The following TTC21A variants were observed in gnomAD, a reference collection of about 807,000 sequenced individuals.
TTC21A encodes tetratricopeptide repeat domain 21A, also known as tetratricopeptide repeat protein 21A.
In TTC21A, 128 loss-of-function variants were observed where a neutral mutation model predicts 156.4. That is an observed-to-expected ratio of 0.82 (90% CI 0.71 to 0.95). The LOEUF (loss-of-function observed/expected upper bound fraction) is 0.95, where lower values mean the gene tolerates loss of function less well. TTC21A is among the 40% of genes least tolerant of loss of function. The pLI, the probability that TTC21A is intolerant of heterozygous loss-of-function variation, is 0.00. For missense variants in TTC21A, 1,435 were observed against 1,602.3 expected, an observed-to-expected ratio of 0.90 and a Z score of 1.78; for synonymous variants, 587 against 617.1, an observed-to-expected ratio of 0.95 and a Z score of 0.72.
intron 5 of TTC21A, among the ~76,000 whole-genome samples, chr3:39,113,802 C>G (rs2037037277): frequency 6.6e-6 from 1 of 152,192 alleles, no homozygotes; most frequent in South Asian, 2.1e-4. Context: ...CAACCCAGTC[C>G]CCTATTGTTT....
Position 39,119,963 on chromosome 3 carries a change from A to G in TTC21A, c.843A>G (p.Thr281=). 3 of 1,610,442 alleles carry G rather than the reference A, an allele frequency of 1.9e-6. No homozygotes were observed. Among genetic ancestry groups the G allele is most frequent in the African/African-American group, 2.7e-5 (2 of 74,578 alleles). Residue 281 remains threonine (T), a synonymous_variant, in exon 8 of 29, where the codon ACA becomes ACG. Transcript: ENST00000683103. ...GAAATCTGATTAAGGCACTAGAGACAAGGGAACCCGAAAATCCAAGCCTCC... is the reference window on the plus strand; with the variant it reads ...GAAATCTGATTAAGGCACTAGAGACGAGGGAACCCGAAAATCCAAGCCTCC... The part of the protein sequence containing the change: ...HVRNLIKALE[T]REPENPSLHL...
intron 12 of TTC21A, 85 bp downstream of exon 12, chr3:39,126,475 TACACACACACACACACACACACACAC>T (rs59925253): frequency 9.6e-6 from 5 of 520,562 alleles, no homozygotes; most frequent in South Asian, 1.8e-5. Context: ...CCTAGGATAC[TACACACACACACACACACACACACAC>T]ACACACACAC....
chr3:39,112,212 G>A (rs989390131), intron 4 of TTC21A, among the ~76,000 whole-genome samples: 2 of 152,326 alleles, frequency 1.3e-5, no homozygotes, highest in Admixed American at 6.5e-5. Context: ...TGAGTTGTAA[G>A]TAGTGGTAAT....
In TTC21A at chr3:39,109,067, A is replaced by C; in HGVS notation, c.28-18A>C. 1 of 1,611,548 alleles carries C rather than the reference A, an allele frequency of 6.2e-7. No individual in the cohort carries two copies. The highest frequency in any genetic ancestry group is 2.2e-5 in the East Asian group (1 of 44,806). ...GAGAAGGGACTGGGCTATTGCAGTT[A>C]TGTCTTCCTTCATACAGGCTGGGAT... On this transcript the variant is annotated intron_variant, in intron 1 of 28. Transcript: ENST00000683103.
At chr3:39,117,886 G>C (rs1013341532) in intron 6 of TTC21A, among the ~76,000 whole-genome samples, 183 bp from the exon 7 acceptor site, 3 of 152,188 alleles carry the variant, frequency 2.0e-5, no homozygotes, top group Non-Finnish European at 4.4e-5. Flanking sequence ...CCAAATGTAA[G>C]CTGCAAAGAG....
chr3:39,135,037 C>A, intron 21 of TTC21A, 56 bp from the exon 22 acceptor site: 79 of 1,299,980 alleles, frequency 6.1e-5, no homozygotes, highest in Middle Eastern at 2.0e-4. Flanking sequence ...CCTCCCCCTA[C>A]ACCCATGCAA....
intron 9 of TTC21A, among the ~76,000 whole-genome samples, chr3:39,122,242 T>G (rs2125803303): frequency 6.7e-6 from 1 of 149,982 alleles, no homozygotes; most frequent in Admixed American, 6.6e-5. Context: ...ACCCGGGAGA[T>G]GGAGGTTGAT....
intron 1 of TTC21A, chr3:39,108,160 G>C (rs866124383): frequency 5.4e-6 from 3 of 560,186 alleles, no homozygotes; most frequent in Non-Finnish European, 9.5e-6. Context: ...TCTCGCCTGC[G>C]CCTCCCACCC....
At chr3:39,109,906 C>G in intron 2 of TTC21A, 123 bp from the exon 3 acceptor site, 2 of 674,856 alleles carry the variant, frequency 3.0e-6, no homozygotes, top group Non-Finnish European at 5.2e-6. Flanking sequence ...ACTTGGGTCA[C>G]TGGGGACCTT....
intron 15 of TTC21A, among the ~76,000 whole-genome samples, chr3:39,129,746 T>C (rs1021626112): frequency 1.6e-4 from 24 of 152,146 alleles, no homozygotes; most frequent in Non-Finnish European, 7.4e-5. Context: ...TATCCAGCAG[T>C]GGGAAACCAG....
chr3:39,112,686 C>T (rs1421158643), intron 5 of TTC21A, 106 bp downstream of exon 5: 8 of 1,496,432 alleles, frequency 5.3e-6, no homozygotes, highest in South Asian at 4.0e-5. Flanking sequence ...CCAGATGCCT[C>T]ATCTCGTAGA....
chr3:39,137,683 G>A lies in TTC21A; in HGVS notation c.3648G>A (p.Leu1216=), dbSNP rs893090148. The A allele has an allele frequency of 1.4e-5, 22 of 1,613,206 alleles. No individual in the cohort carries two copies. Among genetic ancestry groups the A allele is most frequent in the Non-Finnish European group, 1.9e-5 (22 of 1,179,728 alleles). The change falls in exon 26 of 29, where the codon CTG becomes CTA. Residue 1216 remains leucine (L), a synonymous_variant. Coordinates refer to ENST00000683103, the MANE Select transcript of TTC21A (RefSeq NM_001366900.1). ...GCAAGTTCGACCTCGCCTTAGAACT[G>A]CTGCGGCGCTGTGTGCAATACAACA... The part of the protein sequence containing the change: ...QGSKFDLALE[L]LRRCVQYNKS...
At chr3:39,111,314 G>A (rs2125748493) in intron 4 of TTC21A, among the ~76,000 whole-genome samples, 1 of 152,286 alleles carries the variant, frequency 6.6e-6, no homozygotes, top group East Asian at 1.9e-4. Context: ...CTAGGCACAA[G>A]CAATCCTTCC....
intron 8 of TTC21A, among the ~76,000 whole-genome samples, 173 bp from the exon 9 acceptor site, chr3:39,120,824 T>C (rs949198276): frequency 1.3e-5 from 2 of 152,006 alleles, no homozygotes; most frequent in Non-Finnish European, 2.9e-5. Flanking sequence ...CAGTGAGAGG[T>C]TCCTTGGGAG....
In TTC21A at chr3:39,130,151, G is replaced by A; in HGVS notation, c.2208G>A (p.Glu736=). The A allele has an allele frequency of 6.2e-7, 1 of 1,613,900 alleles. No individual in the cohort carries two copies. The highest frequency in any genetic ancestry group is 8.5e-7 in the Non-Finnish European group (1 of 1,179,920). The change falls in exon 16 of 29, where the codon GAG becomes GAA. Residue 736 remains glutamate (E), a splice_region_variant and synonymous_variant. Transcript: ENST00000683103. This position sits in a 1 kb window ranked among gnomAD's most constrained non-coding sequence, Gnocchi z 4.5. ...LLGDALMSIL[E]PEKALEVYDE... ...GCGATGCCTTAATGAGCATTCTGGA[G>A]GTAAGTGAGAGGCCTCACAGCCTTG... is the stretch of plus-strand genomic sequence containing the variant.
intron 13 of TTC21A, 95 bp downstream of exon 13, chr3:39,128,583 C>T (rs1170454277): frequency 7.6e-6 from 12 of 1,576,630 alleles, no homozygotes; most frequent in East Asian, 2.2e-5. Context: ...AGCTGTGTCC[C>T]GTAGATCTTT....
At chr3:39,125,701 AG>A (rs2125820687) in intron 11 of TTC21A, among the ~76,000 whole-genome samples, 169 bp downstream of exon 11, 1 of 152,302 alleles carries the variant, frequency 6.6e-6, no homozygotes, top group African/African-American at 2.4e-5. Context: ...TACAGCACAC[AG>A]GTCACCTGGG....
intron 19 of TTC21A, among the ~76,000 whole-genome samples, chr3:39,132,511 A>G (rs576661278): frequency 1.3e-3 from 197 of 152,320 alleles, no homozygotes; most frequent in African/African-American, 4.5e-3. Flanking sequence ...CTTGTTTACC[A>G]CTGGATTCCC....
chr3:39,108,865 CCAAA>C (rs1486382612), intron 1 of TTC21A, among the ~76,000 whole-genome samples: 2 of 152,222 alleles, frequency 1.3e-5, no homozygotes, highest in Non-Finnish European at 2.9e-5. Context: ...TGGTAATCCC[CCAAA>C]CAAACACCTC....
Sources: gnomAD v4.1 joint callset for allele counts (sites outside exome capture counted in the v4.1 genomes callset) on GRCh38, gnomAD v4.1.1 for gene constraint, Gnocchi (gnomAD v3.1) non-coding constraint, MANE v1.5 for transcripts, NCBI Gene and HGNC (gene_info 2026-07-23, HGNC 2026-07-21) for gene names.